PEPD: variants seen among roughly 807,000 people sequenced by gnomAD.
PEPD encodes the protein xaa-Pro dipeptidase.
In PEPD, 53 loss-of-function variants were observed where a neutral mutation model predicts 60.7. The ratio of observed to expected loss-of-function variants is 0.87; its 90% CI spans 0.70 to 1.10. The LOEUF (loss-of-function observed/expected upper bound fraction) is 1.10, where lower values mean the gene tolerates loss of function less well. Among genes scored for constraint, PEPD ranks in the 50% least tolerant of loss-of-function variants. PEPD has a pLI of 0.00. For synonymous variants in PEPD, 267 were observed against 284.1 expected, an observed-to-expected ratio of 0.94 and a Z score of 0.60; for missense variants, 711 against 711.9, an observed-to-expected ratio of 1.00 and a Z score of 0.01.
rs565776358 is a variant in PEPD at position 33,485,446 on chromosome 19, T to C, written c.503+4550A>G. 2.1e-5 allele frequency among the ~76,000 whole-genome samples: 3 copies of C among 145,058 alleles called. No individual in the cohort carries two copies. The South Asian group carries it at 6.4e-4, about 31-fold the overall frequency. On this transcript the variant is annotated intron_variant, in intron 6 of 14. Coordinates refer to ENST00000244137, the MANE Select transcript of PEPD (RefSeq NM_000285.4). ...AGGTGGAGGTTGCAATGAGCTGAGA[T>C]CGTGCCACTGCACTCCAGCCTGGGC...
chr19:33,471,711 C>T (rs1970123488), intron 7 of PEPD, among the ~76,000 whole-genome samples: 1 of 152,204 alleles, frequency 6.6e-6, no homozygotes, highest in African/African-American at 2.4e-5. Context: ...AAAGATGCCA[C>T]CTAAGAAGTT....
intron 9 of PEPD, among the ~76,000 whole-genome samples, chr19:33,427,953 C>A (rs1221662836): frequency 6.6e-6 from 1 of 152,062 alleles, no homozygotes; most frequent in East Asian, 1.9e-4. Context: ...CTGTAGGCAA[C>A]CCATACCCCC....
At chr19:33,420,429 G>T (rs4805886) in intron 9 of PEPD, among the ~76,000 whole-genome samples, 28,043 of 152,068 alleles carry the variant, frequency 0.18, 2,795 homozygotes, top group Admixed American at 0.26. Flanking sequence ...GTGGCCGGGC[G>T]TGGTGGCTGA....
chr19:33,490,156 A>G, intron 5 of PEPD, 99 bp from the exon 6 acceptor site: 1 of 807,858 alleles, frequency 1.2e-6, no homozygotes, highest in Non-Finnish European at 2.1e-6. Context: ...AGGTAAGAAC[A>G]GGATCCCCTC....
At chr19:33,471,082 G>T (rs944129784) in intron 7 of PEPD, among the ~76,000 whole-genome samples, 8 of 152,164 alleles carry the variant, frequency 5.3e-5, no homozygotes, top group African/African-American at 1.9e-4. Flanking sequence ...TCGAGGCCCA[G>T]GGACCTACTT....
chr19:33,424,381 G>A (rs925164197), intron 9 of PEPD, among the ~76,000 whole-genome samples: 2 of 152,358 alleles, frequency 1.3e-5, no homozygotes, highest in Non-Finnish European at 2.9e-5. Context: ...AGGGAGCTCC[G>A]GCTTTGGAAG....
At chr19:33,460,566 T>C (rs1889995679) in intron 9 of PEPD, among the ~76,000 whole-genome samples, 1 of 152,130 alleles carries the variant, frequency 6.6e-6, no homozygotes, top group Admixed American at 6.5e-5. Context: ...CCATCTCTTG[T>C]TCTTCCTGTC....
chr19:33,412,425 G>C lies in PEPD; in HGVS notation c.741-676C>G, dbSNP rs974600762. ...GGCCCTACGGAACCCCTCCTTTCCT[G>C]GTGGCCAAAGGGGAGAGGGCCTCTA... On this transcript the variant is annotated intron_variant, in intron 10 of 14. Coordinates refer to ENST00000244137, the MANE Select transcript of PEPD (RefSeq NM_000285.4). Among the ~76,000 whole-genome samples, 4 of 152,180 alleles carry C rather than the reference G, an allele frequency of 2.6e-5. No homozygotes were observed. The South Asian group carries it at 8.3e-4, about 32-fold the overall frequency.
chr19:33,396,609 G>C (rs1968371345), intron 12 of PEPD, among the ~76,000 whole-genome samples: 1 of 148,258 alleles, frequency 6.7e-6, no homozygotes, highest in Non-Finnish European at 1.5e-5. Context: ...CACCATTGCT[G>C]TTCCAGGTTG....
At chr19:33,437,151 C>A (rs1239343300) in intron 9 of PEPD, among the ~76,000 whole-genome samples, 1 of 152,126 alleles carries the variant, frequency 6.6e-6, no homozygotes, top group Non-Finnish European at 1.5e-5. Context: ...CCACCCCCAA[C>A]CACCGGGCTC....
At chr19:33,456,201 T>C (rs1600130107) in intron 9 of PEPD, among the ~76,000 whole-genome samples, 1 of 152,142 alleles carries the variant, frequency 6.6e-6, no homozygotes, top group African/African-American at 2.4e-5. Flanking sequence ...GAATCTCTGG[T>C]GGAGAGACTC....
At chr19:33,449,473 C>T (rs79827389) in intron 9 of PEPD, among the ~76,000 whole-genome samples, 1,701 of 152,206 alleles carry the variant, frequency 0.011, 26 homozygotes, top group South Asian at 0.071. Flanking sequence ...GAGAAGCCTG[C>T]GCCAAAACAG....
At chr19:33,404,475 CA>C (rs1308566184) in intron 11 of PEPD, among the ~76,000 whole-genome samples, 2 of 152,180 alleles carry the variant, frequency 1.3e-5, no homozygotes, top group African/African-American at 4.8e-5. Context: ...ACAACAACAA[CA>C]ACCAGGAAGC....
chr19:33,422,843 T>TATCTATCTATCTATCC (rs1238297725), intron 9 of PEPD, among the ~76,000 whole-genome samples: 1 of 139,636 alleles, frequency 7.2e-6, no homozygotes, highest in Non-Finnish European at 1.6e-5. Flanking sequence ...TCTATCCATC[T>TATCTATCTATCTATCC]ATCCATCCAT....
chr19:33,479,276 T>G (rs1443600848), intron 6 of PEPD, among the ~76,000 whole-genome samples: 1 of 151,740 alleles, frequency 6.6e-6, no homozygotes, highest in African/African-American at 2.4e-5. Flanking sequence ...ATGGAGAAAG[T>G]GAGGAACAAA....
chr19:33,489,628 C>CA (rs367998222), intron 6 of PEPD, among the ~76,000 whole-genome samples: 1,796 of 150,680 alleles, frequency 0.012, 38 homozygotes, highest in African/African-American at 0.041. Flanking sequence ...GACTCCATCT[C>CA]AAAAAAAATA....
At chr19:33,439,699 G>A (rs1389953205) in intron 9 of PEPD, among the ~76,000 whole-genome samples, 1 of 152,216 alleles carries the variant, frequency 6.6e-6, no homozygotes, top group Admixed American at 6.5e-5. Flanking sequence ...GGGTCACACA[G>A]CCCAGCACCG....
intron 9 of PEPD, among the ~76,000 whole-genome samples, chr19:33,448,593 T>C (rs1178064689): frequency 6.6e-6 from 1 of 152,216 alleles, no homozygotes; most frequent in Non-Finnish European, 1.5e-5. Context: ...CTATCTTTTT[T>C]TTCTCTTTTG....
chr19:33,455,599 CT>C (rs1969780689), intron 9 of PEPD, among the ~76,000 whole-genome samples: 1 of 151,532 alleles, frequency 6.6e-6, no homozygotes, highest in Non-Finnish European at 1.5e-5. Context: ...GCTTCCTGGG[CT>C]CAAGCAATCC....
Sources: gnomAD v4.1 joint callset for allele counts (sites outside exome capture counted in the v4.1 genomes callset) on GRCh38, gnomAD v4.1.1 for gene constraint, MANE v1.5 for transcripts, NCBI Gene and HGNC (gene_info 2026-07-23, HGNC 2026-07-21) for gene names.